AKAP6: variants seen among roughly 807,000 people sequenced by gnomAD.
The protein encoded by AKAP6 is A-kinase anchor protein 6.
AKAP6 carries 58 observed loss-of-function variants against 188.5 expected under a neutral mutation model. That is an observed-to-expected ratio of 0.31 (90% CI 0.25 to 0.38). AKAP6 has a LOEUF of 0.38. Among genes scored for constraint, AKAP6 ranks in the 10% least tolerant of loss-of-function variants. The pLI, the probability that AKAP6 is intolerant of heterozygous loss-of-function variation, is 1.00. For synonymous variants in AKAP6, 989 were observed against 998.6 expected, an observed-to-expected ratio of 0.99 and a Z score of 0.18; for missense variants, 2,710 against 2,740.0, an observed-to-expected ratio of 0.99 and a Z score of 0.24.
intron 11 of AKAP6, among the ~76,000 whole-genome samples, chr14:32,741,183 G>A (rs1237322497): frequency 2.6e-5 from 4 of 151,804 alleles, no homozygotes; most frequent in Admixed American, 6.6e-5. Context: ...ATTGTTCACT[G>A]TTGACATATA....
chr14:32,643,390 C>G (rs1887846349), intron 7 of AKAP6, among the ~76,000 whole-genome samples: 1 of 151,990 alleles, frequency 6.6e-6, no homozygotes, highest in Non-Finnish European at 1.5e-5. Context: ...TCACTGCAAC[C>G]TCTGCCTCCC....
chr14:32,812,529 A>C (rs1415083410), intron 12 of AKAP6, among the ~76,000 whole-genome samples: 3 of 152,200 alleles, frequency 2.0e-5, no homozygotes, highest in African/African-American at 7.2e-5. Context: ...CAGTGTAATA[A>C]AAATTTCAGT....
chr14:32,347,195 T>A (rs1205266856), intron 1 of AKAP6, among the ~76,000 whole-genome samples: 2 of 152,208 alleles, frequency 1.3e-5, no homozygotes, highest in Non-Finnish European at 2.9e-5. Flanking sequence ...CAAGGACAGA[T>A]TAGGGATTAA....
At chr14:32,510,831 T>C (rs1881219705) in intron 2 of AKAP6, among the ~76,000 whole-genome samples, 1 of 152,220 alleles carries the variant, frequency 6.6e-6, no homozygotes, top group South Asian at 2.1e-4. Context: ...GCTCTAGTTA[T>C]GTGAAATCTC....
At chr14:32,614,988 G>A (rs1051550704) in intron 7 of AKAP6, among the ~76,000 whole-genome samples, 1 of 151,538 alleles carries the variant, frequency 6.6e-6, no homozygotes, top group Non-Finnish European at 1.5e-5. Flanking sequence ...GGCCAACATG[G>A]TGAAACCCCG....
chr14:32,340,104 G>A (rs1886843379), intron 1 of AKAP6, among the ~76,000 whole-genome samples: 1 of 151,486 alleles, frequency 6.6e-6, no homozygotes, highest in Admixed American at 6.6e-5. Context: ...GCAGTGTTCT[G>A]GTTATACCAT....
At chr14:32,788,604 G>A (rs1176326995) in intron 12 of AKAP6, among the ~76,000 whole-genome samples, 1 of 149,766 alleles carries the variant, frequency 6.7e-6, no homozygotes, top group Non-Finnish European at 1.5e-5. Context: ...CAGTGAGTGA[G>A]CGTGCAACCC....
intron 4 of AKAP6, among the ~76,000 whole-genome samples, chr14:32,551,727 C>T (rs145676085): frequency 0.029 from 4,445 of 151,860 alleles, 195 homozygotes; most frequent in African/African-American, 0.1. Context: ...GGCACGATCT[C>T]GGCTCACTGC....
chr14:32,431,570 C>A (rs71419908), intron 1 of AKAP6, among the ~76,000 whole-genome samples: 53,682 of 152,044 alleles, frequency 0.35, 11,660 homozygotes, highest in Admixed American at 0.49. Context: ...TGCAATGGTG[C>A]AATCTCGGCT....
chr14:32,347,887 G>A (rs9322897), intron 1 of AKAP6, among the ~76,000 whole-genome samples: 56,650 of 152,074 alleles, frequency 0.37, 11,826 homozygotes, highest in African/African-American at 0.57. Flanking sequence ...AGGAAAGACA[G>A]TATGTATCAG....
chr14:32,721,820 T>C (rs2030554925), intron 9 of AKAP6, among the ~76,000 whole-genome samples: 1 of 152,206 alleles, frequency 6.6e-6, no homozygotes, highest in East Asian at 1.9e-4. Flanking sequence ...GCTGATCTTA[T>C]GAATGTGGAT....
At chr14:32,377,821 G>C (rs1340579059) in intron 1 of AKAP6, among the ~76,000 whole-genome samples, 1 of 152,162 alleles carries the variant, frequency 6.6e-6, no homozygotes, top group African/African-American at 2.4e-5. Context: ...ATGAGTCTGA[G>C]ATTTTTTTAT....
At chr14:32,664,078 G>A (rs1281887768) in intron 7 of AKAP6, among the ~76,000 whole-genome samples, 2 of 152,026 alleles carry the variant, frequency 1.3e-5, no homozygotes, top group African/African-American at 2.4e-5. Flanking sequence ...TAAAGCAGGA[G>A]GATATCATTT....
intron 12 of AKAP6, among the ~76,000 whole-genome samples, chr14:32,785,303 A>C (rs1027971295): frequency 2.6e-5 from 4 of 152,230 alleles, no homozygotes; most frequent in Admixed American, 6.5e-5. Flanking sequence ...AGAATAAAGA[A>C]AGTAAATCTT....
At chr14:32,820,066 T>G (rs141381482) in intron 12 of AKAP6, among the ~76,000 whole-genome samples, 1 of 152,094 alleles carries the variant, frequency 6.6e-6, no homozygotes, top group Non-Finnish European at 1.5e-5. Flanking sequence ...GACAGTGCTA[T>G]CCCCATTTTA....
At chr14:32,702,820 G>T (rs565514304) in intron 9 of AKAP6, among the ~76,000 whole-genome samples, 1 of 152,240 alleles carries the variant, frequency 6.6e-6, no homozygotes, top group South Asian at 2.1e-4. Flanking sequence ...CAGCCCTGTC[G>T]TACTCTTTGC....
chr14:32,404,138 G>T (rs1043468795), intron 1 of AKAP6, among the ~76,000 whole-genome samples: 3 of 152,006 alleles, frequency 2.0e-5, no homozygotes, highest in Non-Finnish European at 4.4e-5. Context: ...AATATTCTAA[G>T]AAAAACTTTT....
intron 8 of AKAP6, among the ~76,000 whole-genome samples, chr14:32,695,344 C>T (rs1261498160): frequency 6.6e-6 from 1 of 152,120 alleles, no homozygotes; most frequent in African/African-American, 2.4e-5. Context: ...TCATCCATAA[C>T]AATAAATGTA....
At chr14:32,574,034 T>C (rs994602457) in intron 4 of AKAP6, among the ~76,000 whole-genome samples, 3 of 152,178 alleles carry the variant, frequency 2.0e-5, no homozygotes, top group Non-Finnish European at 4.4e-5. Context: ...ATGAATTGAA[T>C]GGACCCCAAT....
Sources: allele counts gnomAD v4.1 joint callset (sites outside exome capture counted in the v4.1 genomes callset), GRCh38; gene constraint gnomAD v4.1.1; transcripts MANE v1.5; gene names NCBI Gene and HGNC (gene_info 2026-07-23, HGNC 2026-07-21).